Variants in ITFG1 observed in about 807,000 individuals in gnomAD.
The protein encoded by ITFG1 is integrin alpha FG-GAP repeat containing 1.
A neutral mutation model predicts 81.8 loss-of-function variants in ITFG1; 34 were observed. The observed-to-expected ratio is 0.42, with a 90% CI of 0.32 to 0.55. The LOEUF (loss-of-function observed/expected upper bound fraction) is 0.55. Among genes scored for constraint, ITFG1 ranks in the 20% least tolerant of loss-of-function variants. The pLI, the probability that ITFG1 is intolerant of heterozygous loss-of-function variation, is 0.17. For synonymous variants in ITFG1, 285 were observed against 270.6 expected (o/e 1.05, Z -0.52); for missense variants, 672 against 755.4 (o/e 0.89, Z 1.29).
intron 12 of ITFG1, among the ~76,000 whole-genome samples, chr16:47,255,289 G>T (rs1966126681): frequency 6.6e-6 from 1 of 152,112 alleles, no homozygotes; most frequent in African/African-American, 2.4e-5. Context: ...ATAATGAGAG[G>T]AAAAACTCAC....
intron 6 of ITFG1, among the ~76,000 whole-genome samples, chr16:47,387,340 T>A (rs1474519421): frequency 6.6e-6 from 1 of 151,960 alleles, no homozygotes; most frequent in African/African-American, 2.4e-5. Flanking sequence ...CTTTGGGGAG[T>A]GGAGGGCAGT....
chr16:47,208,901 G>A (rs1596809246), intron 14 of ITFG1, among the ~76,000 whole-genome samples: 2 of 152,110 alleles, frequency 1.3e-5, no homozygotes, highest in South Asian at 4.1e-4. Context: ...GGAGGGGAGA[G>A]GAGGGAAGTG....
chr16:47,257,539 G>A (rs750648414), intron 12 of ITFG1, among the ~76,000 whole-genome samples: 28 of 152,120 alleles, frequency 1.8e-4, no homozygotes, highest in Non-Finnish European at 2.9e-4. Context: ...CAGAAGTCAC[G>A]TTTCTCACTG....
intron 7 of ITFG1, among the ~76,000 whole-genome samples, chr16:47,371,729 G>T (rs1034157771): frequency 4.9e-4 from 75 of 152,084 alleles, no homozygotes; most frequent in African/African-American, 1.7e-3. Context: ...AGACATTTTT[G>T]ATTGTCACAA....
At chr16:47,298,476 A>T (rs575276240) in intron 10 of ITFG1, among the ~76,000 whole-genome samples, 2 of 147,986 alleles carry the variant, frequency 1.4e-5, no homozygotes, top group African/African-American at 5.0e-5. Flanking sequence ...TTGGGGGGAA[A>T]TTTTTTTTTT....
At chr16:47,165,073 T>C (rs1964872591) in intron 14 of ITFG1, among the ~76,000 whole-genome samples, 1 of 152,226 alleles carries the variant, frequency 6.6e-6, no homozygotes, top group Non-Finnish European at 1.5e-5. Flanking sequence ...TTTTGGGGGC[T>C]CTGGGAGAGC....
At chr16:47,215,654 C>T (rs1415392878) in intron 14 of ITFG1, among the ~76,000 whole-genome samples, 1 of 152,154 alleles carries the variant, frequency 6.6e-6, no homozygotes, top group African/African-American at 2.4e-5. Context: ...ATTTTTCCTA[C>T]ACACAGACAC....
At chr16:47,349,695 C>G (rs1401286946) in intron 8 of ITFG1, among the ~76,000 whole-genome samples, 2 of 152,180 alleles carry the variant, frequency 1.3e-5, no homozygotes, top group South Asian at 2.1e-4. Flanking sequence ...GAATTCAGCT[C>G]TGGACCAAGC....
intron 6 of ITFG1, among the ~76,000 whole-genome samples, chr16:47,412,237 C>T (rs901541002): frequency 6.6e-6 from 1 of 152,106 alleles, no homozygotes; most frequent in African/African-American, 2.4e-5. Flanking sequence ...TGCACTAGAT[C>T]CCCAGCAACA....
chr16:47,247,014 C>T (rs1966009425), intron 12 of ITFG1, among the ~76,000 whole-genome samples: 1 of 152,086 alleles, frequency 6.6e-6, no homozygotes. Context: ...GAACTTGGGG[C>T]CTCAAGTGAT....
intron 6 of ITFG1, among the ~76,000 whole-genome samples, chr16:47,424,840 G>A (rs916024746): frequency 6.6e-6 from 1 of 152,132 alleles, no homozygotes; most frequent in Admixed American, 6.5e-5. Flanking sequence ...CCTGTTTGAG[G>A]TGTCTGTCGG....
At chr16:47,454,186 C>G (rs1969423394) in intron 2 of ITFG1, 28 bp from the exon 3 acceptor site, 1 of 1,562,166 alleles carries the variant, frequency 6.4e-7, no homozygotes, top group South Asian at 1.2e-5. Flanking sequence ...TTACAAATAT[C>G]AGACAAGTTG....
chr16:47,189,509 T>C (rs1397044982), intron 14 of ITFG1, among the ~76,000 whole-genome samples: 1 of 152,230 alleles, frequency 6.6e-6, no homozygotes, highest in Non-Finnish European at 1.5e-5. Flanking sequence ...TAGTTTAGTA[T>C]GGTTCATCAT....
chr16:47,390,550 C>G (rs918964395), intron 6 of ITFG1, among the ~76,000 whole-genome samples: 6 of 152,076 alleles, frequency 3.9e-5, no homozygotes, highest in African/African-American at 1.4e-4. Context: ...CCTCCATCTC[C>G]CAGGTTCAAG....
At chr16:47,291,652 T>C (rs1221393498) in intron 10 of ITFG1, among the ~76,000 whole-genome samples, 3 of 152,222 alleles carry the variant, frequency 2.0e-5, no homozygotes, top group African/African-American at 7.2e-5. Context: ...TTATTTCTTT[T>C]TATCTCTGTC....
intron 1 of ITFG1, among the ~76,000 whole-genome samples, chr16:47,459,459 T>C (rs1021248359): frequency 2.0e-5 from 3 of 152,170 alleles, no homozygotes; most frequent in African/African-American, 7.2e-5. Flanking sequence ...GTCAGATTGG[T>C]TGACTTAAAA....
chr16:47,357,974 G>A lies in ITFG1; in HGVS notation c.802+7814C>T, dbSNP rs578118903. On this transcript the variant is annotated intron_variant, in intron 8 of 17. Transcript: ENST00000320640. ...GACTCACCAAGATAGATGCCTCAGA[G>A]AAGTCTTTGCTACAAGGTAGAAACT... 8.3e-4 allele frequency among the ~76,000 whole-genome samples: 127 copies of A among 152,262 alleles called. 1 individual carries two copies. Among genetic ancestry groups the A allele is most frequent in the African/African-American group, 2.9e-3 (121 of 41,546 alleles).
chr16:47,305,805 A>G (rs575331629), intron 10 of ITFG1, among the ~76,000 whole-genome samples: 10 of 152,334 alleles, frequency 6.6e-5, no homozygotes, highest in African/African-American at 2.2e-4. Flanking sequence ...GGGAAAATAA[A>G]GAAAATTTCA....
At chr16:47,324,743 C>G (rs1268981794) in intron 8 of ITFG1, among the ~76,000 whole-genome samples, 1 of 151,942 alleles carries the variant, frequency 6.6e-6, no homozygotes, top group Non-Finnish European at 1.5e-5. Context: ...AAGAAGGCCA[C>G]TACATAATGG....
Sources: gnomAD v4.1 joint callset for allele counts (sites outside exome capture counted in the v4.1 genomes callset) on GRCh38, gnomAD v4.1.1 for gene constraint, MANE v1.5 for transcripts, NCBI Gene and HGNC (gene_info 2026-07-23, HGNC 2026-07-21) for gene names.